Variants in MCF2L2 observed in about 807,000 individuals in gnomAD.
MCF2L2 encodes the protein MCF.2 cell line derived transforming sequence-like 2, also known as probable guanine nucleotide exchange factor MCF2L2.
Under a neutral mutation model 150.2 loss-of-function variants are expected in MCF2L2, and 102 were observed. The observed-to-expected ratio is 0.68, with a 90% confidence interval of 0.58 to 0.80. The LOEUF (loss-of-function observed/expected upper bound fraction) is 0.80. Ranked by LOEUF, MCF2L2 falls within the 30% of genes least tolerant of loss-of-function variation. The pLI, the probability that MCF2L2 is intolerant of heterozygous loss-of-function variation, is 0.00. For missense variants in MCF2L2, 1,256 were observed against 1,372.8 expected, an observed-to-expected ratio of 0.91 and a Z score of 1.34; for synonymous variants, 465 against 491.3, an observed-to-expected ratio of 0.95 and a Z score of 0.71.
At chr3:183,281,870 C>G (rs1371079058) in intron 14 of MCF2L2, among the ~76,000 whole-genome samples, 1 of 148,754 alleles carries the variant, frequency 6.7e-6, no homozygotes, top group Non-Finnish European at 1.5e-5. Context: ...GCAATTTTGC[C>G]TATTTCAAAA....
intron 1 of MCF2L2, among the ~76,000 whole-genome samples, chr3:183,395,096 C>T (rs138852229): frequency 1.8e-4 from 27 of 152,308 alleles, no homozygotes; most frequent in African/African-American, 3.4e-4. Context: ...CAAAGCCCAA[C>T]GTCTTAACCA....
rs1311124201 is a variant in MCF2L2 at position 183,314,932 on chromosome 3, T to C, written c.753+3136A>G. Among the ~76,000 whole-genome samples the C allele has an allele frequency of 3.3e-3, 405 of 122,122 alleles. 65 individuals are homozygous for C. The highest frequency in any genetic ancestry group is 8.7e-3 in the East Asian group (35 of 4,038). The allele number at this position is 122,122 out of a possible 152,430, so 80.1% of individuals were successfully genotyped here. On this transcript the variant is annotated intron_variant, in intron 7 of 29. Coordinates refer to ENST00000328913, the MANE Select transcript of MCF2L2 (RefSeq NM_015078.4). The stretch of plus-strand genomic sequence containing the variant: ...CTTTTTTTTTTTTTTTTTTTTTTTT[T>C]TTTTTTTTTTTTTTTTTTTTTGAGA...
chr3:183,414,739 T>C (rs947139164), intron 1 of MCF2L2, among the ~76,000 whole-genome samples: 1 of 152,232 alleles, frequency 6.6e-6, no homozygotes, highest in African/African-American at 2.4e-5. Flanking sequence ...ATCCTCTAAG[T>C]TTGAGTATGC....
intron 3 of MCF2L2, among the ~76,000 whole-genome samples, chr3:183,369,341 C>T (rs554943170): frequency 1.2e-4 from 18 of 152,186 alleles, no homozygotes; most frequent in African/African-American, 4.1e-4. Flanking sequence ...CCTTTTTTGC[C>T]TGATAAGAGG....
At chr3:183,360,937 G>C (rs1414445550) in intron 3 of MCF2L2, among the ~76,000 whole-genome samples, 2 of 136,598 alleles carry the variant, frequency 1.5e-5, no homozygotes, top group African/African-American at 2.8e-5. Flanking sequence ...CCTCCAGCCT[G>C]GGCAAGAAGA....
chr3:183,262,256 CT>C (rs1260173909), intron 15 of MCF2L2, among the ~76,000 whole-genome samples: 2 of 150,176 alleles, frequency 1.3e-5, no homozygotes, highest in East Asian at 3.9e-4. Flanking sequence ...TTTTATGATA[CT>C]TTAGGTTGGT....
intron 1 of MCF2L2, among the ~76,000 whole-genome samples, chr3:183,392,198 C>T (rs1003690838): frequency 1.3e-5 from 2 of 152,172 alleles, no homozygotes; most frequent in African/African-American, 2.4e-5. Flanking sequence ...CAGACATTAG[C>T]GAAGTCAACG....
intron 15 of MCF2L2, chr3:183,272,514 A>T: frequency 1.0e-6 from 1 of 995,646 alleles, no homozygotes; most frequent in Non-Finnish European, 1.2e-6. Context: ...ATGTTTACAG[A>T]AATTTTAATT....
chr3:183,252,957 C>T (rs1724635996), intron 15 of MCF2L2, among the ~76,000 whole-genome samples: 1 of 152,188 alleles, frequency 6.6e-6, no homozygotes, highest in Admixed American at 6.5e-5. Flanking sequence ...GTCTGGTTAC[C>T]TGCATGAAGT....
intron 19 of MCF2L2, 133 bp from the exon 20 acceptor site, chr3:183,223,571 A>C (rs1723223501): frequency 1.5e-6 from 1 of 658,948 alleles, no homozygotes. Flanking sequence ...GCAGCTCCAT[A>C]AGGCTGTGGG....
At chr3:183,331,078 A>G (rs1388630256) in intron 5 of MCF2L2, among the ~76,000 whole-genome samples, 1 of 151,994 alleles carries the variant, frequency 6.6e-6, no homozygotes, top group African/African-American at 2.4e-5. Context: ...CAAATCCCCA[A>G]CCACCACCTT....
chr3:183,413,788 G>A (rs1179779811), intron 1 of MCF2L2, among the ~76,000 whole-genome samples: 1 of 152,178 alleles, frequency 6.6e-6, no homozygotes, highest in Non-Finnish European at 1.5e-5. Flanking sequence ...TTTCTCGGCT[G>A]TCCTTCCAAT....
intron 15 of MCF2L2, among the ~76,000 whole-genome samples, chr3:183,239,570 CCT>C (rs1671217271): frequency 1.3e-5 from 2 of 151,912 alleles, no homozygotes; most frequent in East Asian, 1.9e-4. Flanking sequence ...AACTACTGCC[CCT>C]GTCACCCCCC....
chr3:183,426,827 A>G (rs1716188351), intron 1 of MCF2L2, among the ~76,000 whole-genome samples: 1 of 152,254 alleles, frequency 6.6e-6, no homozygotes. Context: ...ACTTTTTTCT[A>G]AACTTGAATT....
intron 15 of MCF2L2, among the ~76,000 whole-genome samples, chr3:183,233,434 G>A (rs1576945166): frequency 6.6e-6 from 1 of 151,294 alleles, no homozygotes; most frequent in Non-Finnish European, 1.5e-5. Flanking sequence ...ACATATATAT[G>A]GTACATACAT....
chr3:183,257,742 C>T (rs975472358), intron 15 of MCF2L2, among the ~76,000 whole-genome samples: 14 of 152,142 alleles, frequency 9.2e-5, no homozygotes, highest in African/African-American at 3.1e-4. Context: ...TATCGTCATC[C>T]TGTTTCTGAA....
At chr3:183,317,602 A>C (rs1454138520) in intron 7 of MCF2L2, among the ~76,000 whole-genome samples, 1 of 152,176 alleles carries the variant, frequency 6.6e-6, no homozygotes, top group African/African-American at 2.4e-5. Context: ...TGAAGCAATA[A>C]GTCCGCTTAT....
chr3:183,333,691 T>C (rs1203551199), intron 5 of MCF2L2, among the ~76,000 whole-genome samples: 1 of 152,154 alleles, frequency 6.6e-6, no homozygotes, highest in Non-Finnish European at 1.5e-5. Context: ...CAGTATGAAG[T>C]TGTGATTTCT....
chr3:183,254,987 G>A (rs970176028), intron 15 of MCF2L2, among the ~76,000 whole-genome samples: 1 of 152,206 alleles, frequency 6.6e-6, no homozygotes, highest in Non-Finnish European at 1.5e-5. Flanking sequence ...ATTCTTGGCC[G>A]GTGTTGGTTT....
Sources: gnomAD v4.1 joint callset for allele counts (sites outside exome capture counted in the v4.1 genomes callset) on GRCh38, gnomAD v4.1.1 for gene constraint, MANE v1.5 for transcripts, NCBI Gene and HGNC (gene_info 2026-07-23, HGNC 2026-07-21) for gene names.